The following ROBO1 variants were observed in gnomAD, a reference collection of about 807,000 sequenced individuals.
ROBO1 encodes roundabout homolog 1.
Under a neutral mutation model 195.9 loss-of-function variants are expected in ROBO1, and 149 were observed. The observed-to-expected ratio is 0.76, with a 90% CI of 0.67 to 0.87. The LOEUF (loss-of-function observed/expected upper bound fraction) is 0.87. Among genes scored for constraint, ROBO1 ranks in the 40% least tolerant of loss-of-function variants. The probability of loss-of-function intolerance (pLI) is 0.00; values close to 1 mark genes in which losing one functional copy is unlikely to be tolerated. For missense variants in ROBO1, 1,933 were observed against 2,068.3 expected (o/e 0.93, Z 1.27); for synonymous variants, 816 against 733.2 (o/e 1.11, Z -1.82).
intron 2 of ROBO1, among the ~76,000 whole-genome samples, chr3:79,486,554 G>GA (rs1263118014): frequency 6.6e-6 from 1 of 152,002 alleles, no homozygotes; most frequent in Non-Finnish European, 1.5e-5. Context: ...GCTTAATGGG[G>GA]AAAAAGGTTA....
At chr3:79,742,427 G>T (rs754441371) in intron 1 of ROBO1, among the ~76,000 whole-genome samples, 1 of 152,158 alleles carries the variant, frequency 6.6e-6, no homozygotes, top group Admixed American at 6.6e-5. Context: ...GCTTCAGAGG[G>T]TGCAAGCTAG....
intron 2 of ROBO1, among the ~76,000 whole-genome samples, chr3:79,336,915 A>T (rs2034695458): frequency 6.6e-6 from 1 of 152,190 alleles, no homozygotes; most frequent in Non-Finnish European, 1.5e-5. Flanking sequence ...GTCAAAGGAG[A>T]TCATTTTGTA....
chr3:79,025,452 C>T (rs1275559083), intron 3 of ROBO1, among the ~76,000 whole-genome samples: 1 of 151,972 alleles, frequency 6.6e-6, no homozygotes, highest in Admixed American at 6.6e-5. Context: ...ATTTTGTTTA[C>T]TTTTTTAGTC....
intron 2 of ROBO1, among the ~76,000 whole-genome samples, chr3:79,333,775 C>A: frequency 6.6e-6 from 1 of 152,256 alleles, no homozygotes; most frequent in South Asian, 2.1e-4. Flanking sequence ...TGAATTTTAG[C>A]TTTATTACTA....
chr3:79,716,436 G>A (rs1012758574), intron 1 of ROBO1, among the ~76,000 whole-genome samples: 2 of 151,840 alleles, frequency 1.3e-5, no homozygotes, highest in Non-Finnish European at 2.9e-5. Context: ...CTAGGTTTTA[G>A]TACAGTAAGG....
intron 2 of ROBO1, among the ~76,000 whole-genome samples, chr3:79,405,939 C>A (rs1225079519): frequency 6.6e-6 from 1 of 152,028 alleles, no homozygotes; most frequent in Non-Finnish European, 1.5e-5. Context: ...GTATTAAGTT[C>A]TTGGGGAATT....
At chr3:79,657,401 G>A (rs116162103) in intron 1 of ROBO1, among the ~76,000 whole-genome samples, 1 of 152,014 alleles carries the variant, frequency 6.6e-6, no homozygotes, top group Non-Finnish European at 1.5e-5. Context: ...CTTGCTTCCA[G>A]TGAATGAGAG....
At chr3:79,626,212 T>C (rs1035529446) in intron 1 of ROBO1, among the ~76,000 whole-genome samples, 8 of 152,160 alleles carry the variant, frequency 5.3e-5, no homozygotes, top group African/African-American at 1.9e-4. Context: ...TTTGAGAGGC[T>C]GAGGTGGGTG....
chr3:78,795,306 G>A (rs1576180344), intron 4 of ROBO1, among the ~76,000 whole-genome samples: 2 of 152,198 alleles, frequency 1.3e-5, no homozygotes, highest in Admixed American at 1.3e-4. Flanking sequence ...TCTCAAAGGA[G>A]ATAATGGATT....
At chr3:78,717,991 A>T in intron 5 of ROBO1, 108 bp from the exon 6 acceptor site, 1 of 1,062,490 alleles carries the variant, frequency 9.4e-7, no homozygotes, top group Non-Finnish European at 1.4e-6. Flanking sequence ...AAATCAAAGC[A>T]TAATTACATC....
chr3:78,896,530 A>G (rs1455258141), intron 4 of ROBO1, among the ~76,000 whole-genome samples: 1 of 151,876 alleles, frequency 6.6e-6, no homozygotes, highest in Non-Finnish European at 1.5e-5. Flanking sequence ...CCCACAAAAC[A>G]TTGCTCCTAA....
intron 4 of ROBO1, among the ~76,000 whole-genome samples, chr3:78,851,062 G>A (rs12714473): frequency 0.31 from 46,793 of 151,824 alleles, 7,683 homozygotes; most frequent in South Asian, 0.45. Flanking sequence ...CCACCACCTC[G>A]GCCTCCCAAA....
chr3:78,982,418 C>A (rs929044245), intron 3 of ROBO1, among the ~76,000 whole-genome samples: 1 of 152,114 alleles, frequency 6.6e-6, no homozygotes, highest in African/African-American at 2.4e-5. Context: ...CCCTTCACTC[C>A]TACAGTATTC....
intron 3 of ROBO1, among the ~76,000 whole-genome samples, chr3:79,008,262 T>C (rs1249238407): frequency 6.6e-6 from 1 of 152,184 alleles, no homozygotes; most frequent in African/African-American, 2.4e-5. Flanking sequence ...TGTACACAAC[T>C]TGAATCTTGT....
intron 2 of ROBO1, among the ~76,000 whole-genome samples, chr3:79,185,133 C>T (rs2108742673): frequency 6.6e-6 from 1 of 152,260 alleles, no homozygotes; most frequent in African/African-American, 2.4e-5. Flanking sequence ...AACAACACTA[C>T]TAACTGGACA....
chr3:79,631,807 G>T (rs1209094344), intron 1 of ROBO1, among the ~76,000 whole-genome samples: 1 of 152,000 alleles, frequency 6.6e-6, no homozygotes, highest in South Asian at 2.1e-4. Context: ...CCATTAAAAA[G>T]TGGGCAAAGT....
At chr3:78,943,232 G>A (rs1208677675) in intron 3 of ROBO1, among the ~76,000 whole-genome samples, 1 of 151,970 alleles carries the variant, frequency 6.6e-6, no homozygotes, top group African/African-American at 2.4e-5. Flanking sequence ...AACAAAGAAA[G>A]GTTTTTGTTT....
chr3:79,559,345 T>A (rs1942824254), intron 2 of ROBO1, among the ~76,000 whole-genome samples: 1 of 152,216 alleles, frequency 6.6e-6, no homozygotes, highest in Admixed American at 6.5e-5. Flanking sequence ...TCTTTTAACA[T>A]ACCTGTTGTT....
chr3:78,885,946 CA>C (rs1245788505), intron 4 of ROBO1, among the ~76,000 whole-genome samples: 1 of 104,864 alleles, frequency 9.5e-6, no homozygotes, highest in African/African-American at 4.0e-5. Flanking sequence ...TATATACATA[CA>C]TATATATTTT....
Sources: allele counts gnomAD v4.1 joint callset (sites outside exome capture counted in the v4.1 genomes callset), GRCh38; gene constraint gnomAD v4.1.1; transcripts MANE v1.5; gene names NCBI Gene and HGNC (gene_info 2026-07-23, HGNC 2026-07-21).